KIT: variants seen among roughly 807,000 people sequenced by gnomAD.
KIT encodes KIT proto-oncogene, receptor tyrosine kinase, also known as mast/stem cell growth factor receptor Kit.
A neutral mutation model predicts 105.7 loss-of-function variants in KIT; 16 were observed. The observed-to-expected ratio is 0.15, with a 90% CI of 0.10 to 0.23. KIT has a LOEUF of 0.23. Ranked by LOEUF, KIT falls within the 10% of genes least tolerant of loss-of-function variation. The pLI is 1.00. For missense variants in KIT, 858 were observed against 1,213.8 expected (o/e 0.71, Z 4.36); for synonymous variants, 438 against 441.1 (o/e 0.99, Z 0.09).
At chr4:54,699,816 TAA>T in intron 4 of KIT, 50 bp downstream of exon 4, 1 of 1,607,504 alleles carries the variant, frequency 6.2e-7, no homozygotes, top group Non-Finnish European at 8.5e-7. Context: ...TGGGAGATGA[TAA>T]GTTTTCTCTT....
intron 7 of KIT, among the ~76,000 whole-genome samples, chr4:54,710,029 T>C (rs1194285689): frequency 2.0e-5 from 3 of 152,220 alleles, no homozygotes; most frequent in African/African-American, 7.2e-5. Context: ...CATGGCTCAC[T>C]ACTGAGTACC....
chr4:54,729,290 C>T, intron 13 of KIT, 45 bp from the exon 14 acceptor site: 1 of 1,603,820 alleles, frequency 6.2e-7, no homozygotes, highest in South Asian at 1.1e-5. Context: ...CAGAATTAAT[C>T]TATATATCTC....
Position 54,727,883 on chromosome 4 carries a change from T to C in KIT, c.1835T>C (p.Ile612Thr), listed in dbSNP as rs1322867456. 2 of 1,613,940 alleles carry C rather than the reference T, an allele frequency of 1.2e-6. No individual in the cohort carries two copies. Among genetic ancestry groups the C allele is most frequent in the Non-Finnish European group, 1.7e-6 (2 of 1,180,014 alleles). The change falls in exon 12 of 21, where the codon ATT becomes ACT. Residue 612 changes from isoleucine to threonine, a missense_variant. Physicochemically the swap from Ile to Thr is moderately conservative, Grantham distance 89. Transcript: ENST00000288135. ...KVVEATAYGL[I>T]KSDAAMTVAV... ...GTTGAGGCAACTGCTTATGGCTTAA[T>C]TAAGTCAGATGCGGCCATGACTGTC...
intron 1 of KIT, among the ~76,000 whole-genome samples, chr4:54,689,981 T>C (rs528982604): frequency 6.6e-6 from 1 of 151,804 alleles, no homozygotes; most frequent in South Asian, 2.1e-4. Context: ...TGCCTTTCTG[T>C]CTGGCACATT....
At chr4:54,732,121 A>C (rs1722649951) in intron 16 of KIT, 123 bp downstream of exon 16, 1 of 1,132,486 alleles carries the variant, frequency 8.8e-7, no homozygotes, top group African/African-American at 1.6e-5. Context: ...GTCATTTTGA[A>C]GTGTGGTAAC....
intron 8 of KIT, among the ~76,000 whole-genome samples, chr4:54,724,104 C>T (rs983669699): frequency 3.3e-5 from 5 of 152,138 alleles, no homozygotes; most frequent in African/African-American, 9.7e-5. Flanking sequence ...AAGTAATGAT[C>T]GCACAATTAC....
chr4:54,696,987 T>A (rs1270734442), intron 2 of KIT, among the ~76,000 whole-genome samples: 1 of 152,260 alleles, frequency 6.6e-6, no homozygotes, highest in Non-Finnish European at 1.5e-5. Context: ...TAAATCACTC[T>A]AACAGGGCTC....
intron 1 of KIT, among the ~76,000 whole-genome samples, chr4:54,685,423 C>T (rs554590355): frequency 6.6e-5 from 10 of 152,174 alleles, no homozygotes; most frequent in Non-Finnish European, 1.3e-4. Flanking sequence ...CTTCACTGTC[C>T]AGGGCCAGCC....
rs200851152 is a variant in KIT at position 54,698,448 on chromosome 4, G to A, written c.502G>A (p.Ala168Thr). The change falls in exon 3 of 21, where the codon GCG becomes ACG. Residue 168 changes from alanine (A) to threonine (T), a missense_variant. By Grantham distance (58) the Ala-to-Thr change is moderately conservative. Around this residue, in one of 7 missense-constraint regions of KIT, gnomAD observed 401 missense variants for 601.0 expected, o/e 0.67. Coordinates refer to ENST00000288135, the MANE Select transcript of KIT (RefSeq NM_000222.3). ...CTTGAGGTTTATTCCTGACCCCAAG[G>A]CGGGCATCATGATCAAAAGTGTGAA... is the stretch of plus-strand genomic sequence containing the variant. ...KDLRFIPDPK[A>T]GIMIKSVKRA... The A allele has an allele frequency of 5.6e-6, 9 of 1,614,138 alleles. No homozygotes were observed. The East Asian group carries it at 2.0e-4, about 36-fold the overall frequency.
At chr4:54,666,275 G>T (rs569734259) in intron 1 of KIT, among the ~76,000 whole-genome samples, 9 of 151,736 alleles carry the variant, frequency 5.9e-5, no homozygotes, top group African/African-American at 1.2e-4. Context: ...TTTGTTTTTT[G>T]TTTTTTTTGT....
chr4:54,715,540 GAA>G lies in KIT; in HGVS notation c.1231+6003_1231+6004del, dbSNP rs1487306495. Among the ~76,000 whole-genome samples, 10 of 152,058 alleles carry G rather than the reference GAA, an allele frequency of 6.6e-5. No individual in the cohort carries two copies. In the East Asian group the frequency reaches 1.7e-3, roughly 27 times the overall value. The stretch of plus-strand genomic sequence containing the variant: ...CAGGCATCACATGGCAAGAGAGGAG[GAA>G]AGAGAGAGAGGAGAAGAAGGGTGCC... On this transcript the variant is annotated intron_variant, in intron 7 of 20. Coordinates refer to ENST00000288135, the MANE Select transcript of KIT (RefSeq NM_000222.3).
chr4:54,727,365 C>T (rs763538875), intron 10 of KIT, 41 bp downstream of exon 10: 1 of 1,613,704 alleles, frequency 6.2e-7, no homozygotes. Flanking sequence ...GCTCTAATGA[C>T]TGAGACAATA....
Position 54,723,715 on chromosome 4 carries a change from T to G in KIT, c.1346+17T>G, listed in dbSNP as rs1722036078. 1 of 1,425,332 alleles carries G rather than the reference T, an allele frequency of 7.0e-7. No homozygotes were observed. Among genetic ancestry groups the G allele is most frequent in the Admixed American group, 1.7e-5 (1 of 59,774 alleles). The allele number at this position is 1,425,332 out of a possible 1,614,324, so 88.3% of individuals were successfully genotyped here. A position where few individuals can be genotyped will look rare whatever the true frequency, so the allele number is the denominator to read the frequency against. ...TGAGCAGAGGTGAGATGATTATTTTTGGCACTGCTTATAATGCAGAGGGGA... is the reference window on the plus strand; with the variant it reads ...TGAGCAGAGGTGAGATGATTATTTTGGGCACTGCTTATAATGCAGAGGGGA... On this transcript the variant is annotated intron_variant, in intron 8 of 20. Transcript: ENST00000288135.
Position 54,699,200 on chromosome 4 carries a change from GATT to G in KIT, c.620-426_620-424del, listed in dbSNP as rs1428878230. Among the ~76,000 whole-genome samples the G allele has an allele frequency of 2.6e-5, 4 of 152,270 alleles. No homozygotes were observed. The East Asian group carries it at 7.7e-4, about 29-fold the overall frequency. ...TACTTATTGAAATTAGGGAAAATTT[GATT>G]ATTTAAAACCTGGGATTTCCAGAGG... On this transcript the variant is annotated intron_variant, in intron 3 of 20. Coordinates refer to ENST00000288135, the MANE Select transcript of KIT (RefSeq NM_000222.3).
chr4:54,659,488 C>G (rs184155168), intron 1 of KIT, among the ~76,000 whole-genome samples: 106 of 152,256 alleles, frequency 7.0e-4, no homozygotes, highest in African/African-American at 2.5e-3. Context: ...GCGCAATGAA[C>G]GGTTTTGAGA....
rs1723115281 is a variant in KIT at position 54,739,312 on chromosome 4, A to G, written c.*755A>G. 1 of 237,788 alleles carries G rather than the reference A, an allele frequency of 4.2e-6. No homozygotes were observed. Among genetic ancestry groups the G allele is most frequent in the East Asian group, 6.0e-5 (1 of 16,624 alleles). The allele number at this position is 237,788 out of a possible 1,614,324, so 14.7% of individuals were successfully genotyped here. A position where few individuals can be genotyped will look rare whatever the true frequency, so the allele number is the denominator to read the frequency against. ...CGTTTCTGTATACAACCCTGGCATT[A>G]TGTCCACTGTGTATAGAAGTAGATT... On this transcript the variant is annotated 3_prime_UTR_variant, in exon 21 of 21. Coordinates refer to ENST00000288135, the MANE Select transcript of KIT (RefSeq NM_000222.3).
chr4:54,725,234 A>G (rs1722143100), intron 8 of KIT, among the ~76,000 whole-genome samples: 1 of 152,060 alleles, frequency 6.6e-6, no homozygotes, highest in African/African-American at 2.4e-5. Flanking sequence ...CCTCCCGAGT[A>G]GCTGGGATTA....
chr4:54,722,509 G>A (rs1251412227), intron 7 of KIT, among the ~76,000 whole-genome samples: 1 of 152,018 alleles, frequency 6.6e-6, no homozygotes, highest in East Asian at 1.9e-4. Context: ...CACTATGCAT[G>A]GGGCTCCCGT....
chr4:54,732,313 G>A (rs1256249094), intron 16 of KIT, among the ~76,000 whole-genome samples: 1 of 152,022 alleles, frequency 6.6e-6, no homozygotes, highest in Non-Finnish European at 1.5e-5. Context: ...TGTTCCTAGA[G>A]AACAGAATCA....
Sources: allele counts gnomAD v4.1 joint callset (sites outside exome capture counted in the v4.1 genomes callset), GRCh38; gene constraint gnomAD v4.1.1; regional missense constraint gnomAD v4.1.1; transcripts MANE v1.5; gene names NCBI Gene and HGNC (gene_info 2026-07-23, HGNC 2026-07-21).